TMEM132C: variants seen among roughly 807,000 people sequenced by gnomAD.
TMEM132C encodes transmembrane protein 132C.
TMEM132C carries 29 observed loss-of-function variants against 61.4 expected under a neutral mutation model. The ratio of observed to expected loss-of-function variants is 0.47; its 90% CI spans 0.35 to 0.64. TMEM132C has a LOEUF of 0.64. Ranked by LOEUF, TMEM132C falls within the 30% of genes least tolerant of loss-of-function variation. The pLI is 0.00. For synonymous variants in TMEM132C, 656 were observed against 633.1 expected (o/e 1.04, Z -0.54); for missense variants, 1,408 against 1,476.9 (o/e 0.95, Z 0.76).
intron 1 of TMEM132C, among the ~76,000 whole-genome samples, chr12:128,349,215 GCTGGT>G (rs1476276204): frequency 2.0e-5 from 3 of 152,180 alleles, no homozygotes; most frequent in African/African-American, 7.2e-5. Context: ...TGTTGGCCAG[GCTGGT>G]CTTGAACTCC....
At chr12:128,488,742 TACA>T (rs886290912) in intron 2 of TMEM132C, among the ~76,000 whole-genome samples, 1 of 152,010 alleles carries the variant, frequency 6.6e-6, no homozygotes, top group African/African-American at 2.4e-5. Flanking sequence ...TTTCTGTTCC[TACA>T]ACTAGAAAAT....
rs565199821 is a variant in TMEM132C at position 128,317,330 on chromosome 12, C to T, written c.85+49843C>T. 2.6e-5 allele frequency among the ~76,000 whole-genome samples: 4 copies of T among 152,188 alleles called. 1 individual carries two copies. The highest frequency in any genetic ancestry group is 4.2e-4 in the South Asian group (2 of 4,816). ...CGTTCAGTAAACTCAGCTGATAACA[C>T]GTTTATCTGTTCAAGCCAGAAATGT... On this transcript the variant is annotated intron_variant, in intron 1 of 8. Coordinates refer to ENST00000435159, the MANE Select transcript of TMEM132C (RefSeq NM_001136103.3).
chr12:128,462,349 C>T (rs546366069), intron 2 of TMEM132C, among the ~76,000 whole-genome samples: 249 of 152,256 alleles, frequency 1.6e-3, no homozygotes, highest in Middle Eastern at 0.01. Flanking sequence ...TCAGGGGATC[C>T]GCTGGCCTCG....
rs542076193 is a variant in TMEM132C at position 128,669,525 on chromosome 12, G to T, written c.1414G>T (p.Val472Leu). Residue 472 changes from valine to leucine, a missense_variant, in exon 5 of 9, where the codon GTG becomes TTG. Physicochemically the swap from Val to Leu is conservative, Grantham distance 32. Transcript: ENST00000435159. ...NSAVMDISES[V>L]ECKSTDEDVI... is the part of the protein sequence containing the mutation. ...TGCCGTGATGGACATCTCAGAGTCG[G>T]TGGAGTGCAAGTCCACAGACGAGGA... is the stretch of plus-strand genomic sequence containing the variant. 1.9e-6 allele frequency: 3 copies of T among 1,551,678 alleles called. No homozygotes were observed. The highest frequency in any genetic ancestry group is 2.6e-6 in the Non-Finnish European group (3 of 1,146,978).
At chr12:128,341,487 A>G (rs1872976205) in intron 1 of TMEM132C, among the ~76,000 whole-genome samples, 1 of 152,212 alleles carries the variant, frequency 6.6e-6, no homozygotes, top group Non-Finnish European at 1.5e-5. Flanking sequence ...CTCAATGTCA[A>G]CCACACTTTT....
At chr12:128,601,528 A>T (rs1028117857) in intron 3 of TMEM132C, among the ~76,000 whole-genome samples, 2 of 152,236 alleles carry the variant, frequency 1.3e-5, no homozygotes, top group African/African-American at 4.8e-5. Context: ...GAGGCTGTAT[A>T]CATAAAGTGG....
intron 2 of TMEM132C, among the ~76,000 whole-genome samples, chr12:128,424,412 A>T (rs115689238): frequency 6.6e-6 from 1 of 151,848 alleles, no homozygotes; most frequent in Admixed American, 6.6e-5. Context: ...CCACTGGTAC[A>T]TGCTACAATA....
chr12:128,392,869 A>G (rs566652578), intron 1 of TMEM132C, among the ~76,000 whole-genome samples: 30 of 152,058 alleles, frequency 2.0e-4, no homozygotes, highest in Non-Finnish European at 3.2e-4. Flanking sequence ...ATTCAAAGCC[A>G]TCCTGGGCCA....
rs989457101 is a variant in TMEM132C at position 128,696,185 on chromosome 12, T to G, written c.1929+82T>G. 42 of 1,475,304 alleles carry G rather than the reference T, an allele frequency of 2.8e-5. No individual in the cohort carries two copies. In the African/African-American group the frequency reaches 5.7e-4, roughly 20 times the overall value. The allele number at this position is 1,475,304 out of a possible 1,614,324, so 91.4% of individuals were successfully genotyped here. On this transcript the variant is annotated intron_variant, in intron 7 of 8. Transcript: ENST00000435159. ...GAGAGTCAATGGGTGGGCAGATCAC[T>G]GTGGCCGATTCCCCAACCCATGTGT...
At chr12:128,535,160 C>T (rs1292433542) in intron 2 of TMEM132C, among the ~76,000 whole-genome samples, 3 of 152,052 alleles carry the variant, frequency 2.0e-5, no homozygotes, top group African/African-American at 2.4e-5. Flanking sequence ...CAGAGTAGCA[C>T]GTGTATTTAG....
At position 128,278,960 on chromosome 12, in the gene TMEM132C, G is replaced by T. The variant is rs1023137404; in HGVS notation, c.85+11473G>T. On this transcript the variant is annotated intron_variant, in intron 1 of 8. Coordinates refer to ENST00000435159, the MANE Select transcript of TMEM132C (RefSeq NM_001136103.3). This position sits in a 1 kb window ranked among gnomAD's most constrained non-coding sequence, Gnocchi z 4.2. Reference sequence around the variant, plus strand: ...ATTTGGACGTGAACTGCAACATTAGGTCTTCCTTGGGTCTCCAGCCTGCCA... The same window carrying T: ...ATTTGGACGTGAACTGCAACATTAGTTCTTCCTTGGGTCTCCAGCCTGCCA... Among the ~76,000 whole-genome samples the T allele has an allele frequency of 6.6e-6, 1 of 152,036 alleles. No homozygotes were observed. Among genetic ancestry groups the T allele is most frequent in the Non-Finnish European group, 1.5e-5 (1 of 68,006 alleles).
At chr12:128,523,925 A>T (rs1177889507) in intron 2 of TMEM132C, among the ~76,000 whole-genome samples, 1 of 149,942 alleles carries the variant, frequency 6.7e-6, no homozygotes, top group Non-Finnish European at 1.5e-5. Context: ...AGGTGGGAGG[A>T]TTGCTTCAGC....
At chr12:128,533,097 A>G (rs1873378463) in intron 2 of TMEM132C, among the ~76,000 whole-genome samples, 2 of 152,212 alleles carry the variant, frequency 1.3e-5, no homozygotes, top group Admixed American at 1.3e-4. Context: ...CTTTGTATGC[A>G]GGATGTACCA....
intron 1 of TMEM132C, among the ~76,000 whole-genome samples, chr12:128,372,132 CCATG>C (rs1348513300): frequency 1.3e-5 from 2 of 152,142 alleles, no homozygotes; most frequent in Admixed American, 6.5e-5. Context: ...CATCTTGCCC[CCATG>C]AAGGGAGGTC....
At chr12:128,682,533 C>T (rs1954644179) in intron 5 of TMEM132C, among the ~76,000 whole-genome samples, 1 of 152,234 alleles carries the variant, frequency 6.6e-6, no homozygotes, top group Non-Finnish European at 1.5e-5. Context: ...AGGCGTTGGT[C>T]CTGCATTGTC....
At chr12:128,414,011 G>A (rs1207958388) in intron 1 of TMEM132C, among the ~76,000 whole-genome samples, 1 of 152,176 alleles carries the variant, frequency 6.6e-6, no homozygotes, top group Non-Finnish European at 1.5e-5. Flanking sequence ...TCCATTTGAA[G>A]TTTGGTCTTA....
chr12:128,645,168 C>T (rs547182087), intron 4 of TMEM132C, among the ~76,000 whole-genome samples: 1 of 152,254 alleles, frequency 6.6e-6, no homozygotes, highest in Non-Finnish European at 1.5e-5. Context: ...TGGTTGTGCC[C>T]AAGCCACCGT....
chr12:128,366,769 C>T (rs1873885872), intron 1 of TMEM132C, among the ~76,000 whole-genome samples: 1 of 152,172 alleles, frequency 6.6e-6, no homozygotes, highest in South Asian at 2.1e-4. Flanking sequence ...GCTTTATTTA[C>T]TTAATTAATA....
chr12:128,632,028 A>T (rs142017425), intron 4 of TMEM132C, among the ~76,000 whole-genome samples: 3 of 152,230 alleles, frequency 2.0e-5, no homozygotes, highest in East Asian at 3.9e-4. Context: ...ACCCCAATAG[A>T]TGCCTGTGAC....
Sources: gnomAD v4.1 joint callset for allele counts (sites outside exome capture counted in the v4.1 genomes callset) on GRCh38, gnomAD v4.1.1 for gene constraint, Gnocchi (gnomAD v3.1) non-coding constraint, MANE v1.5 for transcripts, NCBI Gene and HGNC (gene_info 2026-07-23, HGNC 2026-07-21) for gene names.